The following LMCD1 variants were observed in gnomAD, a reference collection of about 807,000 sequenced individuals.
The protein encoded by LMCD1 is LIM and cysteine rich domains 1.
In LMCD1, 32 loss-of-function variants were observed where a neutral mutation model predicts 42.7. The ratio of observed to expected loss-of-function variants is 0.75; its 90% CI spans 0.57 to 1.01. The LOEUF (loss-of-function observed/expected upper bound fraction) is 1.01, where lower values mean the gene tolerates loss of function less well. Among genes scored for constraint, LMCD1 ranks in the 50% least tolerant of loss-of-function variants. The pLI, the probability that LMCD1 is intolerant of heterozygous loss-of-function variation, is 0.00. For synonymous variants in LMCD1, 178 were observed against 184.9 expected (o/e 0.96, Z 0.30); for missense variants, 458 against 483.1 (o/e 0.95, Z 0.49).
intron 2 of LMCD1, among the ~76,000 whole-genome samples, chr3:8,535,527 G>A (rs1343008691): frequency 6.6e-6 from 1 of 152,118 alleles, no homozygotes; most frequent in Non-Finnish European, 1.5e-5. Flanking sequence ...CAAAGTCAAA[G>A]GAGTAGCTTT....
At chr3:8,552,407 G>A (rs575566947) in intron 4 of LMCD1, among the ~76,000 whole-genome samples, 2 of 152,336 alleles carry the variant, frequency 1.3e-5, no homozygotes, top group Admixed American at 6.5e-5. Flanking sequence ...TTTCTTTACA[G>A]CAGAACTTCT....
chr3:8,532,679 G>T (rs539201913), intron 1 of LMCD1, 58 bp from the exon 2 acceptor site: 1 of 1,467,234 alleles, frequency 6.8e-7, no homozygotes, highest in East Asian at 2.3e-5. Context: ...TAGAGGTCAA[G>T]CATCTCCGGT....
rs35525213 is a variant in LMCD1, at chr3:8,555,716, C to CTTTTTTTTT, written c.723+6829_723+6837dup. The stretch of plus-strand genomic sequence containing the variant: ...ATGTTGCCACATGGCCTTCAACGAG[C>CTTTTTTTTT]TTTTTTTTTTTTTTTTTTTTTTTTG... On this transcript the variant is annotated intron_variant, in intron 4 of 5. Coordinates refer to ENST00000157600, the MANE Select transcript of LMCD1 (RefSeq NM_014583.4). 4.7e-4 allele frequency among the ~76,000 whole-genome samples: 30 copies of CTTTTTTTTT among 63,284 alleles called. 1 individual carries two copies. Among genetic ancestry groups the CTTTTTTTTT allele is most frequent in the African/African-American group, 8.1e-4 (11 of 13,570 alleles). 41.5% of individuals were successfully genotyped at this position (63,284 alleles called of 152,430 possible). A position where few individuals can be genotyped will look rare whatever the true frequency, so the allele number is the denominator to read the frequency against.
At chr3:8,518,153 T>C (rs1451809255) in intron 1 of LMCD1, among the ~76,000 whole-genome samples, 2 of 152,040 alleles carry the variant, frequency 1.3e-5, no homozygotes, top group African/African-American at 4.8e-5. Flanking sequence ...AGCTCCAACA[T>C]GCACAGAGCT....
intron 1 of LMCD1, among the ~76,000 whole-genome samples, chr3:8,518,724 A>C (rs73127973): frequency 0.046 from 7,051 of 152,254 alleles, 288 homozygotes; most frequent in African/African-American, 0.1. Flanking sequence ...TGGAGAGAAT[A>C]GTTGAAACTA....
intron 1 of LMCD1, among the ~76,000 whole-genome samples, chr3:8,520,175 C>T (rs755948884): frequency 6.6e-6 from 1 of 152,052 alleles, no homozygotes; most frequent in Non-Finnish European, 1.5e-5. Flanking sequence ...AGTGTGTTAT[C>T]CTTGGAAAGA....
intron 4 of LMCD1, among the ~76,000 whole-genome samples, chr3:8,555,034 T>C (rs1694906181): frequency 6.6e-6 from 1 of 152,006 alleles, no homozygotes; most frequent in Admixed American, 6.6e-5. Context: ...GGACAGCCCA[T>C]TGAGAGAAGT....
At position 8,548,694 on chromosome 3, in the gene LMCD1, C is replaced by T. The variant is rs566518812; in HGVS notation, c.514C>T (p.Arg172Cys). 22 of 1,614,176 alleles carry T rather than the reference C, an allele frequency of 1.4e-5. No homozygotes were observed. Among genetic ancestry groups the T allele is most frequent in the South Asian group, 7.7e-5 (7 of 91,080 alleles). Residue 172 changes from arginine (R) to cysteine (C), a missense_variant, in exon 4 of 6, where the codon CGT becomes TGT. By Grantham distance (180) the Arg-to-Cys change is radical (BLOSUM62 -3). Coordinates refer to ENST00000157600, the MANE Select transcript of LMCD1 (RefSeq NM_014583.4). ...PIYDQDPSRC[R>C]GLLENELKLM... ...CTATGACCAGGATCCCTCGCGCTGC[C>T]GTGGACTTTTGGAGAATGAGTTGAA...
At position 8,501,903 on chromosome 3, in the gene LMCD1, G is replaced by T; in HGVS notation, c.-36G>T. On this transcript the variant is annotated 5_prime_UTR_variant, in exon 1 of 6. Coordinates refer to ENST00000157600, the MANE Select transcript of LMCD1 (RefSeq NM_014583.4). ...GCTGCGCGCCCTCGCGCCTCTGCCT[G>T]AGAAGCCAGGCGCTGTTCCCCCACC... The T allele has an allele frequency of 6.3e-7, 1 of 1,578,844 alleles. No homozygotes were observed. The highest frequency in any genetic ancestry group is 8.6e-7 in the Non-Finnish European group (1 of 1,163,944).
intron 4 of LMCD1, among the ~76,000 whole-genome samples, chr3:8,557,000 G>A (rs1383684315): frequency 1.3e-5 from 2 of 152,150 alleles, no homozygotes; most frequent in African/African-American, 4.8e-5. Context: ...GCCAGGGCCT[G>A]CCACGATGTG....
Position 8,565,414 on chromosome 3 carries a change from C to T in LMCD1, c.724-18C>T, listed in dbSNP as rs769005615. 6.2e-7 allele frequency: 1 copy of T among 1,607,622 alleles called. No individual in the cohort carries two copies. The highest frequency in any genetic ancestry group is 2.2e-5 in the East Asian group (1 of 44,744). On this transcript the variant is annotated intron_variant, in intron 4 of 5. Coordinates refer to ENST00000157600, the MANE Select transcript of LMCD1 (RefSeq NM_014583.4). ...TCCTGACTTCCTTGTCTCCTATGGTCCTTCCCCATCCTTCCAGGTCTGCGA... is the reference window on the plus strand; with the variant it reads ...TCCTGACTTCCTTGTCTCCTATGGTTCTTCCCCATCCTTCCAGGTCTGCGA...
intron 3 of LMCD1, among the ~76,000 whole-genome samples, chr3:8,546,930 G>A (rs1192629942): frequency 1.3e-5 from 2 of 152,164 alleles, no homozygotes; most frequent in Non-Finnish European, 2.9e-5. Flanking sequence ...TAAAGAAGAG[G>A]TTTAAAAGCA....
chr3:8,510,137 A>G (rs1465873370), intron 1 of LMCD1, among the ~76,000 whole-genome samples: 2 of 152,142 alleles, frequency 1.3e-5, no homozygotes, highest in East Asian at 1.9e-4. Context: ...GGGCTGTATG[A>G]CTCAGTGGCG....
At chr3:8,564,653 A>T (rs1695096290) in intron 4 of LMCD1, among the ~76,000 whole-genome samples, 2 of 152,250 alleles carry the variant, frequency 1.3e-5, no homozygotes, top group Admixed American at 1.3e-4. Context: ...GTAAACAAAC[A>T]GGTTTTAATG....
chr3:8,537,674 A>G (rs922652248), intron 3 of LMCD1, among the ~76,000 whole-genome samples: 1 of 152,178 alleles, frequency 6.6e-6, no homozygotes, highest in African/African-American at 2.4e-5. Context: ...ATGGACCCCA[A>G]GAGGCCTTGC....
intron 1 of LMCD1, among the ~76,000 whole-genome samples, chr3:8,530,149 AG>A (rs1214906024): frequency 6.6e-6 from 1 of 152,204 alleles, no homozygotes; most frequent in Non-Finnish European, 1.5e-5. Flanking sequence ...CTACACATCC[AG>A]TGCCTGCCAT....
Position 8,537,274 on chromosome 3 carries a change from T to C in LMCD1, c.221T>C (p.Met74Thr), listed in dbSNP as rs1419391288. ...GATCGGAAAATTGGCCGCTTGCTGA[T>C]GGACTCCAAGTATTCCACCCTCACT... is the stretch of plus-strand genomic sequence containing the variant. ...EDDRKIGRLL[M>T]DSKYSTLTAR... The change falls in exon 3 of 6, where the codon ATG (methionine) becomes ACG (threonine). Residue 74 changes from methionine (M) to threonine (T), a missense_variant. Physicochemically the swap from Met to Thr is moderately conservative, Grantham distance 81 (BLOSUM62 -1). Transcript: ENST00000157600. 1.9e-6 allele frequency: 3 copies of C among 1,614,008 alleles called. No homozygotes were observed. Among genetic ancestry groups the C allele is most frequent in the African/African-American group, 2.7e-5 (2 of 74,928 alleles).
intron 4 of LMCD1, among the ~76,000 whole-genome samples, chr3:8,555,128 C>T (rs1416903910): frequency 6.6e-6 from 1 of 152,120 alleles, no homozygotes; most frequent in Admixed American, 6.5e-5. Context: ...TCTGACCCCT[C>T]TGCCCCATTT....
chr3:8,559,992 G>T (rs1462989517), intron 4 of LMCD1, among the ~76,000 whole-genome samples: 1 of 152,198 alleles, frequency 6.6e-6, no homozygotes, highest in Non-Finnish European at 1.5e-5. Flanking sequence ...GCTTTCCAAC[G>T]GATGAGAAGG....
Sources: allele counts gnomAD v4.1 joint callset (sites outside exome capture counted in the v4.1 genomes callset), GRCh38; gene constraint gnomAD v4.1.1; transcripts MANE v1.5; gene names NCBI Gene and HGNC (gene_info 2026-07-23, HGNC 2026-07-21).